TRIO: variants seen among roughly 807,000 people sequenced by gnomAD.
TRIO encodes triple functional domain protein.
TRIO carries 58 observed loss-of-function variants against 351.9 expected under a neutral mutation model. The observed-to-expected ratio is 0.16, with a 90% CI of 0.13 to 0.21. The LOEUF is 0.21. TRIO is among the 10% of genes least tolerant of loss of function. The pLI, the probability that TRIO is intolerant of heterozygous loss-of-function variation, is 1.00. For missense variants in TRIO, 3,201 were observed against 4,027.8 expected, an observed-to-expected ratio of 0.79 and a Z score of 5.56; for synonymous variants, 1,758 against 1,595.7, an observed-to-expected ratio of 1.10 and a Z score of -2.42.
intron 1 of TRIO, among the ~76,000 whole-genome samples, chr5:14,218,896 C>G (rs1792398224): frequency 6.6e-6 from 1 of 152,240 alleles, no homozygotes; most frequent in Non-Finnish European, 1.5e-5. Flanking sequence ...AGTGGGATCC[C>G]TGTGCCGCTG....
At chr5:14,414,839 G>A (rs761582395) in intron 33 of TRIO, among the ~76,000 whole-genome samples, 25 of 152,198 alleles carry the variant, frequency 1.6e-4, no homozygotes, top group Middle Eastern at 3.2e-3. Context: ...TGTTGTTCAC[G>A]TTAGAACAGC....
At chr5:14,218,574 C>T (rs1792371609) in intron 1 of TRIO, among the ~76,000 whole-genome samples, 1 of 152,204 alleles carries the variant, frequency 6.6e-6, no homozygotes, top group Non-Finnish European at 1.5e-5. Flanking sequence ...AAAAGAAAGT[C>T]TCAGGCAAGT....
chr5:14,271,393 C>T (rs1385853160), intron 2 of TRIO, among the ~76,000 whole-genome samples: 3 of 152,086 alleles, frequency 2.0e-5, no homozygotes, highest in Non-Finnish European at 2.9e-5. Flanking sequence ...ATGTCATGGA[C>T]GATGAAGCCC....
intron 30 of TRIO, 39 bp downstream of exon 30, chr5:14,399,109 C>T: frequency 6.4e-7 from 1 of 1,562,286 alleles, no homozygotes; most frequent in Non-Finnish European, 8.8e-7. Flanking sequence ...CTAAAGGTAA[C>T]ACAATTGCAG....
Position 14,406,692 on chromosome 5 carries a change from TTG to T in TRIO, c.4959+25_4959+26del. 6.2e-7 allele frequency: 1 copy of T among 1,611,104 alleles called. No individual in the cohort carries two copies. The highest frequency in any genetic ancestry group is 8.5e-7 in the Non-Finnish European group (1 of 1,177,800). On this transcript the variant is annotated intron_variant, in intron 33 of 56. Transcript: ENST00000344204. ...GATAAGGTGAGTCACTGCCGGCACT[TTG>T]TGTGCGGAGGGGAATGTGGCCAGTC...
chr5:14,179,816 G>A (rs1313233346), intron 1 of TRIO, among the ~76,000 whole-genome samples: 2 of 152,058 alleles, frequency 1.3e-5, no homozygotes, highest in Non-Finnish European at 2.9e-5. Context: ...AACTGTCTGG[G>A]CATGGTGGCT....
intron 34 of TRIO, among the ~76,000 whole-genome samples, chr5:14,438,503 C>T (rs1257984952): frequency 2.0e-5 from 3 of 152,176 alleles, no homozygotes; most frequent in Non-Finnish European, 2.9e-5. Context: ...ACCAAGTCAC[C>T]CACCTGTTTT....
intron 1 of TRIO, among the ~76,000 whole-genome samples, chr5:14,266,093 C>T (rs1468659441): frequency 6.8e-6 from 1 of 147,364 alleles, no homozygotes; most frequent in African/African-American, 2.5e-5. Flanking sequence ...GACAGAGTCT[C>T]GCTCTGCCGT....
Position 14,495,658 on chromosome 5 carries a change from G to GAAAAA in TRIO, c.7881-1197_7881-1193dup, listed in dbSNP as rs56018324. Among the ~76,000 whole-genome samples, 152 of 32,586 alleles carry GAAAAA rather than the reference G, an allele frequency of 4.7e-3. 42 individuals carry two copies. The highest frequency in any genetic ancestry group is 0.015 in the African/African-American group (144 of 9,336). 21.4% of individuals were successfully genotyped at this position (32,586 alleles called of 152,430 possible). On this transcript the variant is annotated intron_variant, in intron 49 of 56. Transcript: ENST00000344204. ...ACATAGTGAAACCCCGTCTCTACTAGAAAAAAAAAAAAAAAAAAAAAAAAA... is the reference window on the plus strand; with the variant it reads ...ACATAGTGAAACCCCGTCTCTACTAGAAAAAAAAAAAAAAAAAAAAAAAAAAAAAA...
At chr5:14,345,909 CT>C (rs1207179616) in intron 11 of TRIO, among the ~76,000 whole-genome samples, 2 of 152,218 alleles carry the variant, frequency 1.3e-5, no homozygotes, top group African/African-American at 4.8e-5. Context: ...TGTTACTCAG[CT>C]TCATAAACTA....
chr5:14,244,209 A>G (rs1794304804), intron 1 of TRIO, among the ~76,000 whole-genome samples: 1 of 152,224 alleles, frequency 6.6e-6, no homozygotes, highest in African/African-American at 2.4e-5. Context: ...TCACAAAGAT[A>G]TTTACAATGT....
intron 9 of TRIO, among the ~76,000 whole-genome samples, chr5:14,321,191 G>A (rs1308536802): frequency 6.6e-6 from 1 of 152,240 alleles, no homozygotes; most frequent in East Asian, 1.9e-4. Context: ...TTTGAAGGAT[G>A]AGGAGAAGGT....
chr5:14,493,743 G>A (rs998259654), intron 49 of TRIO, among the ~76,000 whole-genome samples: 8 of 152,188 alleles, frequency 5.3e-5, no homozygotes, highest in African/African-American at 1.4e-4. Context: ...GCCAAAAGTG[G>A]ATATAGGCCG....
chr5:14,274,760 T>A (rs1187137687), intron 2 of TRIO, among the ~76,000 whole-genome samples: 4 of 152,244 alleles, frequency 2.6e-5, no homozygotes, highest in African/African-American at 7.2e-5. Context: ...TGCATGATTT[T>A]AAATATATAT....
At chr5:14,453,961 TCTCA>T (rs1474604389) in intron 34 of TRIO, among the ~76,000 whole-genome samples, 1 of 151,324 alleles carries the variant, frequency 6.6e-6, no homozygotes, top group Non-Finnish European at 1.5e-5. Flanking sequence ...TGAGACAGGG[TCTCA>T]CTCACCCAGA....
chr5:14,404,334 T>G (rs1403969875), intron 31 of TRIO, among the ~76,000 whole-genome samples: 2 of 152,118 alleles, frequency 1.3e-5, no homozygotes, highest in African/African-American at 2.4e-5. Context: ...GGTAGGACCT[T>G]GGTATTTAGT....
intron 5 of TRIO, among the ~76,000 whole-genome samples, chr5:14,291,788 TAAAAAAAAAAAAAAAAAAAA>T (rs57424190): frequency 2.0e-5 from 2 of 101,018 alleles, no homozygotes; most frequent in Admixed American, 1.2e-4. Context: ...GACTCCGTCT[TAAAAAAAAAAAAAAAAAAAA>T]AAAAAAAAGT....
chr5:14,413,184 C>T (rs142903765), intron 33 of TRIO, among the ~76,000 whole-genome samples: 1 of 152,250 alleles, frequency 6.6e-6, no homozygotes, highest in African/African-American at 2.4e-5. Context: ...TTGTATTGTA[C>T]TTGTTAGGAT....
intron 33 of TRIO, among the ~76,000 whole-genome samples, chr5:14,414,789 A>G (rs1749504102): frequency 1.3e-5 from 2 of 152,160 alleles, no homozygotes; most frequent in South Asian, 2.1e-4. Flanking sequence ...ATTTGACCTT[A>G]TGTAAAGCAG....
Sources: gnomAD v4.1 joint callset for allele counts (sites outside exome capture counted in the v4.1 genomes callset) on GRCh38, gnomAD v4.1.1 for gene constraint, MANE v1.5 for transcripts, NCBI Gene and HGNC (gene_info 2026-07-23, HGNC 2026-07-21) for gene names.